JAM3: variants seen among roughly 807,000 people sequenced by gnomAD.
The protein encoded by JAM3 is junctional adhesion molecule 3, also known as junctional adhesion molecule C.
A neutral mutation model predicts 39.4 loss-of-function variants in JAM3; 31 were observed. The observed-to-expected ratio is 0.79, with a 90% CI of 0.59 to 1.06. The LOEUF (loss-of-function observed/expected upper bound fraction) is 1.06, where lower values mean the gene tolerates loss of function less well. JAM3 is among the 50% of genes least tolerant of loss of function. The pLI is 0.00. For missense variants in JAM3, 455 were observed against 391.4 expected (o/e 1.16, Z -1.37); for synonymous variants, 182 against 148.7 (o/e 1.22, Z -1.63).
intron 1 of JAM3, among the ~76,000 whole-genome samples, chr11:134,135,493 C>T (rs1212526966): frequency 6.6e-6 from 1 of 151,176 alleles, no homozygotes; most frequent in Non-Finnish European, 1.5e-5. Context: ...TTTTTTAATC[C>T]TAAAATGTTA....
intron 1 of JAM3, among the ~76,000 whole-genome samples, chr11:134,133,136 G>A (rs1449920416): frequency 6.6e-6 from 1 of 152,174 alleles, no homozygotes; most frequent in East Asian, 1.9e-4. Flanking sequence ...CTGCATGTTG[G>A]TTTTGTATCC....
At position 134,148,659 on chromosome 11, in the gene JAM3, TAAAC is replaced by T; in HGVS notation, c.827_830del (p.Lys276ArgfsTer33). 6.2e-7 allele frequency: 1 copy of T among 1,614,060 alleles called. No homozygotes were observed. ...ACAGACGTGGCTACTTCATCAACAATAAACAGGATGGAGAAAGGTGAGCCTGCCT... is the reference window on the plus strand; with the variant it reads ...ACAGACGTGGCTACTTCATCAACAATAGGATGGAGAAAGGTGAGCCTGCCT... On this transcript the variant is annotated frameshift_variant, in exon 7 of 9. Transcript: ENST00000299106. LOFTEE classifies it high-confidence loss of function.
intron 1 of JAM3, among the ~76,000 whole-genome samples, chr11:134,091,692 A>G (rs1941858495): frequency 6.6e-6 from 1 of 152,028 alleles, no homozygotes; most frequent in Non-Finnish European, 1.5e-5. Context: ...GTGGAGGGGC[A>G]GAGACAAGTT....
chr11:134,096,006 C>A (rs1384709546), intron 1 of JAM3, among the ~76,000 whole-genome samples: 1 of 152,082 alleles, frequency 6.6e-6, no homozygotes, highest in Non-Finnish European at 1.5e-5. Flanking sequence ...TGAGATGGAG[C>A]CTTACTCTCA....
At position 134,120,002 on chromosome 11, in the gene JAM3, G is replaced by A. The variant is rs566333268; in HGVS notation, c.77-19849G>A. Among the ~76,000 whole-genome samples, 73 of 152,260 alleles carry A rather than the reference G, an allele frequency of 4.8e-4. 1 individual carries two copies. Among genetic ancestry groups the A allele is most frequent in the Admixed American group, 3.7e-3 (57 of 15,292 alleles). ...TACTTTGCTGTGTGTATGGGTGAGT[G>A]GGTCTGTAAAATGCTGATATGTGTT... On this transcript the variant is annotated intron_variant, in intron 1 of 8. Coordinates refer to ENST00000299106, the MANE Select transcript of JAM3 (RefSeq NM_032801.5).
chr11:134,080,179 C>T, intron 1 of JAM3, among the ~76,000 whole-genome samples: 1 of 152,114 alleles, frequency 6.6e-6, no homozygotes, highest in East Asian at 1.9e-4. Context: ...GCTGATAAGT[C>T]CACTGGTGAT....
chr11:134,089,028 G>A (rs923069655), intron 1 of JAM3, among the ~76,000 whole-genome samples: 3 of 152,220 alleles, frequency 2.0e-5, no homozygotes, highest in African/African-American at 4.8e-5. Context: ...ATAGGTGATT[G>A]TAAGTTGGAT....
Position 134,105,313 on chromosome 11 carries a change from C to G in JAM3, c.77-34538C>G, listed in dbSNP as rs1289166526. Among the ~76,000 whole-genome samples the G allele has an allele frequency of 1.3e-5, 2 of 152,120 alleles. 1 individual carries two copies. The highest frequency in any genetic ancestry group is 1.3e-4 in the Admixed American group (2 of 15,268). On this transcript the variant is annotated intron_variant, in intron 1 of 8. Coordinates refer to ENST00000299106, the MANE Select transcript of JAM3 (RefSeq NM_032801.5). ...TGACAAAATTCAACAGCCCTTCATG[C>G]TAAAAACTCTCAATAAATTAGGTAT... is the stretch of plus-strand genomic sequence containing the variant.
intron 1 of JAM3, among the ~76,000 whole-genome samples, chr11:134,113,102 A>G (rs1270583920): frequency 6.6e-6 from 1 of 152,038 alleles, no homozygotes; most frequent in Non-Finnish European, 1.5e-5. Flanking sequence ...ACTGGCATAT[A>G]TTAAGGGATC....
At chr11:134,129,484 CATTA>C (rs1483688098) in intron 1 of JAM3, among the ~76,000 whole-genome samples, 4 of 152,094 alleles carry the variant, frequency 2.6e-5, no homozygotes, top group East Asian at 3.9e-4. Context: ...CCTTCTTTAA[CATTA>C]ATTACTGTCT....
At position 134,103,901 on chromosome 11, in the gene JAM3, A is replaced by C. The variant is rs188769972; in HGVS notation, c.76+34742A>C. ...TACAAAGAGACTTAGACTCCCACACAATAATAATGGGAGACTTTAACACCC... is the reference window on the plus strand; with the variant it reads ...TACAAAGAGACTTAGACTCCCACACCATAATAATGGGAGACTTTAACACCC... On this transcript the variant is annotated intron_variant, in intron 1 of 8. Coordinates refer to ENST00000299106, the MANE Select transcript of JAM3 (RefSeq NM_032801.5). 9.7e-3 allele frequency among the ~76,000 whole-genome samples: 1,470 copies of C among 152,298 alleles called. 18 individuals are homozygous for C. The highest frequency in any genetic ancestry group is 0.033 in the African/African-American group (1,377 of 41,542).
chr11:134,147,792 T>C (rs1282393160), intron 6 of JAM3: 1 of 152,342 alleles, frequency 6.6e-6, no homozygotes, highest in African/African-American at 2.4e-5. Context: ...GGCCTGCAAG[T>C]TGATTTTTAA....
chr11:134,135,101 G>A (rs1056278019), intron 1 of JAM3, among the ~76,000 whole-genome samples: 1 of 152,056 alleles, frequency 6.6e-6, no homozygotes, highest in Non-Finnish European at 1.5e-5. Flanking sequence ...TTCTCTATGC[G>A]TTCTTCCAAA....
At chr11:134,101,528 TTG>T (rs1281900316) in intron 1 of JAM3, among the ~76,000 whole-genome samples, 1 of 152,210 alleles carries the variant, frequency 6.6e-6, no homozygotes, top group East Asian at 1.9e-4. Flanking sequence ...TAAGTTTCTA[TTG>T]TGAGTTTAGC....
At chr11:134,124,359 G>C in intron 1 of JAM3, 1 of 698,438 alleles carries the variant, frequency 1.4e-6, no homozygotes, top group Non-Finnish European at 2.6e-6. Context: ...GTGTGCGTGT[G>C]AGTGTGATGG....
At chr11:134,110,505 T>C (rs551642862) in intron 1 of JAM3, among the ~76,000 whole-genome samples, 1 of 152,288 alleles carries the variant, frequency 6.6e-6, no homozygotes, top group South Asian at 2.1e-4. Context: ...CATAAATGAA[T>C]CTCAAAATAA....
At chr11:134,069,207 C>T (rs757786889) in intron 1 of JAM3, 48 bp downstream of exon 1, 5 of 1,596,244 alleles carry the variant, frequency 3.1e-6, no homozygotes, top group Middle Eastern at 1.7e-4. Context: ...CTGGGGGCGA[C>T]GGAAGCAGAG....
intron 1 of JAM3, among the ~76,000 whole-genome samples, chr11:134,127,694 G>C (rs1042381757): frequency 1.4e-4 from 21 of 152,122 alleles, no homozygotes; most frequent in African/African-American, 4.6e-4. Flanking sequence ...AGTGAGACTC[G>C]ATTTCAAAAC....
chr11:134,108,685 A>G (rs1440897049), intron 1 of JAM3, among the ~76,000 whole-genome samples: 2 of 152,226 alleles, frequency 1.3e-5, no homozygotes, highest in African/African-American at 2.4e-5. Flanking sequence ...TAATAACGCA[A>G]TATCACCATA....
Sources: gnomAD v4.1 joint callset for allele counts (sites outside exome capture counted in the v4.1 genomes callset) on GRCh38, gnomAD v4.1.1 for gene constraint, MANE v1.5 for transcripts, NCBI Gene and HGNC (gene_info 2026-07-23, HGNC 2026-07-21) for gene names.